The following BNC2 variants were observed in gnomAD, a reference collection of about 807,000 sequenced individuals.
The protein encoded by BNC2 is zinc finger protein basonuclin-2.
BNC2 carries 20 observed loss-of-function variants against 76.3 expected under a neutral mutation model. The observed-to-expected ratio is 0.26, with a 90% CI of 0.18 to 0.38. The LOEUF (loss-of-function observed/expected upper bound fraction) is 0.38, where lower values mean the gene tolerates loss of function less well. Ranked by LOEUF, BNC2 falls within the 10% of genes least tolerant of loss-of-function variation. BNC2 has a pLI of 1.00. For missense variants in BNC2, 1,382 were observed against 1,399.8 expected (o/e 0.99, Z 0.20); for synonymous variants, 582 against 514.8 (o/e 1.13, Z -1.77).
At chr9:16,638,246 T>C (rs1821385555) in intron 3 of BNC2, among the ~76,000 whole-genome samples, 1 of 152,148 alleles carries the variant, frequency 6.6e-6, no homozygotes, top group Admixed American at 6.5e-5. Flanking sequence ...TCCTATCTCA[T>C]CTGAAACCAA....
chr9:16,823,167 A>T (rs1818379734), intron 1 of BNC2, among the ~76,000 whole-genome samples: 1 of 152,246 alleles, frequency 6.6e-6, no homozygotes, highest in Admixed American at 6.5e-5. Flanking sequence ...CACAGTAAAT[A>T]GTTTATTAAA....
rs546998579 is a variant in BNC2 at position 16,559,929 on chromosome 9, T to G, written c.434-7164A>C. ...GCAATATAAATGCCATAAAAAAGAT[T>G]TGACAAAGTACTGTGGGACACAGAA... On this transcript the variant is annotated intron_variant, in intron 4 of 6. Transcript: ENST00000380672. 5.9e-5 allele frequency among the ~76,000 whole-genome samples: 9 copies of G among 152,280 alleles called. No homozygotes were observed. In the South Asian group the frequency reaches 1.2e-3, roughly 21 times the overall value.
At chr9:16,749,428 T>TAAAAGTATAATAATCCCAGC (rs1320366092) in intron 1 of BNC2, among the ~76,000 whole-genome samples, 13 of 152,132 alleles carry the variant, frequency 8.5e-5, no homozygotes, top group East Asian at 7.8e-4. Flanking sequence ...GAAGCACGAA[T>TAAAAGTATAATAATCCCAGC]AAAAGTATAA....
intron 3 of BNC2, among the ~76,000 whole-genome samples, chr9:16,673,391 A>G (rs13296034): frequency 0.49 from 70,462 of 144,036 alleles, 18,148 homozygotes; most frequent in Non-Finnish European, 0.6. Context: ...TAGATGAATG[A>G]TTCAAAAAGA....
chr9:16,464,859 T>C (rs1312614042), intron 5 of BNC2, among the ~76,000 whole-genome samples: 1 of 152,228 alleles, frequency 6.6e-6, no homozygotes, highest in African/African-American at 2.4e-5. Context: ...CTTTCATAAG[T>C]CTTCCATCAA....
chr9:16,666,320 T>C (rs965338607), intron 3 of BNC2, among the ~76,000 whole-genome samples: 1 of 152,226 alleles, frequency 6.6e-6, no homozygotes. Flanking sequence ...TGGCATTCCC[T>C]TGATCTCTGC....
intron 1 of BNC2, among the ~76,000 whole-genome samples, chr9:16,827,288 G>A (rs1386108137): frequency 1.3e-5 from 2 of 152,198 alleles, no homozygotes; most frequent in African/African-American, 4.8e-5. Flanking sequence ...AAAGCGACAA[G>A]CAGGTCTCTG....
intron 4 of BNC2, among the ~76,000 whole-genome samples, chr9:16,554,232 A>G (rs1442284495): frequency 6.6e-6 from 1 of 152,182 alleles, no homozygotes; most frequent in Admixed American, 6.5e-5. Context: ...CTGCATAATC[A>G]TGGAGGAATT....
intron 5 of BNC2, among the ~76,000 whole-genome samples, chr9:16,538,358 CTACTT>C (rs746246338): frequency 1.4e-3 from 208 of 152,292 alleles, no homozygotes; most frequent in Non-Finnish European, 2.4e-3. Context: ...ATCTGGTACT[CTACTT>C]TAACAGGCAC....
At chr9:16,711,201 A>AT (rs1314495032) in intron 3 of BNC2, among the ~76,000 whole-genome samples, 3 of 152,168 alleles carry the variant, frequency 2.0e-5, no homozygotes, top group Non-Finnish European at 4.4e-5. Flanking sequence ...AAGGATGATC[A>AT]TTTTTTTAAA....
rs935734633 is a variant in BNC2, at chr9:16,436,672, T to C, written c.1522A>G (p.Lys508Glu). 8.1e-6 allele frequency: 13 copies of C among 1,614,136 alleles called. No homozygotes were observed. Among genetic ancestry groups the C allele is most frequent in the Non-Finnish European group, 1.1e-5 (13 of 1,180,020 alleles). ...CCTGAGGTGGCCCGAATTAAATCTT[T>C]ATCTCGGTTATTCCTTAGCATAGGC... Reference protein sequence around the residue: ...HMPMLRNNRDKDLIRATSGAA... With the variant: ...HMPMLRNNRDEDLIRATSGAA... Residue 508 changes from lysine (K) to glutamate (E), a missense_variant, in exon 6 of 7, where the codon AAA (lysine) becomes GAA (glutamate). By Grantham distance (56) the Lys-to-Glu change is moderately conservative. Coordinates refer to ENST00000380672, the MANE Select transcript of BNC2 (RefSeq NM_017637.6).
intron 2 of BNC2, among the ~76,000 whole-genome samples, chr9:16,736,797 G>A (rs1016665905): frequency 1.5e-4 from 23 of 148,536 alleles, no homozygotes; most frequent in Middle Eastern, 3.7e-3. Flanking sequence ...TTCTTTCTGA[G>A]ATGGATAATG....
chr9:16,869,242 T>C (rs7019402), intron 1 of BNC2, among the ~76,000 whole-genome samples: 127,456 of 151,732 alleles, frequency 0.84, 54,433 homozygotes, highest in Non-Finnish European at 0.9. Context: ...AGGCCACTTT[T>C]TGCCACTTTA....
intron 4 of BNC2, among the ~76,000 whole-genome samples, chr9:16,568,817 T>C (rs749310406): frequency 3.9e-5 from 6 of 152,070 alleles, no homozygotes; most frequent in Non-Finnish European, 8.8e-5. Flanking sequence ...AAGAGAAAAA[T>C]TTCTTATGAC....
At chr9:16,444,825 C>T (rs780942691) in intron 5 of BNC2, among the ~76,000 whole-genome samples, 7 of 152,160 alleles carry the variant, frequency 4.6e-5, no homozygotes, top group Non-Finnish European at 1.0e-4. Context: ...GAGATGGGTC[C>T]ATATGTAATA....
chr9:16,614,659 A>AT (rs1010665881), intron 3 of BNC2, among the ~76,000 whole-genome samples: 27 of 151,496 alleles, frequency 1.8e-4, no homozygotes, highest in African/African-American at 5.6e-4. Context: ...TGAAGTTAAA[A>AT]AAAATGGCCA....
At chr9:16,542,699 C>T (rs552133350) in intron 5 of BNC2, among the ~76,000 whole-genome samples, 2 of 152,332 alleles carry the variant, frequency 1.3e-5, no homozygotes, top group South Asian at 4.1e-4. Context: ...TGCATGGTCA[C>T]TCATTCTCCT....
chr9:16,802,492 GAC>G (rs1339673180), intron 1 of BNC2, among the ~76,000 whole-genome samples: 11 of 152,220 alleles, frequency 7.2e-5, no homozygotes, highest in African/African-American at 2.7e-4. Flanking sequence ...GATTGTTTGT[GAC>G]ACAGAGATCT....
At chr9:16,468,038 C>CTTTTTT (rs1414982362) in intron 5 of BNC2, among the ~76,000 whole-genome samples, 2 of 146,178 alleles carry the variant, frequency 1.4e-5, no homozygotes, top group African/African-American at 5.2e-5. Flanking sequence ...TTCTTTCTTT[C>CTTTTTT]TCTTTTTTTT....
Sources: allele counts gnomAD v4.1 joint callset (sites outside exome capture counted in the v4.1 genomes callset), GRCh38; gene constraint gnomAD v4.1.1; transcripts MANE v1.5; gene names NCBI Gene and HGNC (gene_info 2026-07-23, HGNC 2026-07-21).